The following MIB1 variants were observed in gnomAD, a reference collection of about 807,000 sequenced individuals.
MIB1 encodes the protein E3 ubiquitin-protein ligase MIB1.
Under a neutral mutation model 124.5 loss-of-function variants are expected in MIB1, and 278 were observed. The ratio of observed to expected loss-of-function variants is 2.23; its 90% confidence interval spans 2.02 to 2.47. The LOEUF is 2.47. Ranked by LOEUF, MIB1 falls within the 30% of genes most tolerant of loss-of-function variation. MIB1 has a pLI of 0.00. For synonymous variants in MIB1, 446 were observed against 429.4 expected, an observed-to-expected ratio of 1.04 and a Z score of -0.48; for missense variants, 957 against 1,254.4, an observed-to-expected ratio of 0.76 and a Z score of 3.58.
intron 1 of MIB1, among the ~76,000 whole-genome samples, chr18:21,745,155 A>G (rs1490619112): frequency 6.6e-6 from 1 of 152,244 alleles, no homozygotes; most frequent in East Asian, 1.9e-4. Flanking sequence ...GAGACTGGAT[A>G]AGTTGTATGA....
intron 1 of MIB1, among the ~76,000 whole-genome samples, chr18:21,757,846 A>G (rs2146395944): frequency 6.6e-6 from 1 of 152,250 alleles, no homozygotes; most frequent in South Asian, 2.1e-4. Context: ...AGGATTTAAT[A>G]ACTTATACTC....
rs542897103 is a variant in MIB1, at chr18:21,778,207, G to A, written c.703+38G>A. 91 of 1,348,026 alleles carry A rather than the reference G, an allele frequency of 6.8e-5. 2 individuals are homozygous for A. In the South Asian group the frequency reaches 1.0e-3, roughly 15 times the overall value. The allele number at this position is 1,348,026 out of a possible 1,614,324, so 83.5% of individuals were successfully genotyped here. On this transcript the variant is annotated intron_variant, in intron 5 of 20. Transcript: ENST00000261537. Reference sequence around the variant, plus strand: ...ATTAGAGAGTATTACTAAATAATGGGTCAGAGTTCGTGGAATCAGTAAAAT... The same window carrying A: ...ATTAGAGAGTATTACTAAATAATGGATCAGAGTTCGTGGAATCAGTAAAAT...
Position 21,741,697 on chromosome 18 carries a change from C to T in MIB1, c.114C>T (p.Thr38=), listed in dbSNP as rs1467641676. 1.9e-6 allele frequency: 3 copies of T among 1,611,424 alleles called. No individual in the cohort carries two copies. Among genetic ancestry groups the T allele is most frequent in the Non-Finnish European group, 2.5e-6 (3 of 1,179,356 alleles). ...ACGGCGGCGAGGGCCATGTGGGCACCGTCCGGAGCTTCGAGAGCCCCGAGG... is the reference window on the plus strand; with the variant it reads ...ACGGCGGCGAGGGCCATGTGGGCACTGTCCGGAGCTTCGAGAGCCCCGAGG... The part of the protein sequence containing the change: ...KQDGGEGHVG[T]VRSFESPEEV... Residue 38 remains threonine, a synonymous_variant, in exon 1 of 21, where the codon ACC becomes ACT. Coordinates refer to ENST00000261537, the MANE Select transcript of MIB1 (RefSeq NM_020774.4). The surrounding 1 kb of genome is among the most constrained non-coding windows in gnomAD (Gnocchi z 5.4).
At chr18:21,837,009 A>G (rs531168762) in intron 12 of MIB1, among the ~76,000 whole-genome samples, 7 of 152,246 alleles carry the variant, frequency 4.6e-5, no homozygotes, top group Non-Finnish European at 1.0e-4. Flanking sequence ...TATGAAGCCC[A>G]TGAATGGGAT....
At chr18:21,807,992 T>C (rs533007659) in intron 10 of MIB1, among the ~76,000 whole-genome samples, 24 of 152,336 alleles carry the variant, frequency 1.6e-4, no homozygotes, top group Non-Finnish European at 2.9e-4. Context: ...GAAGCAGATT[T>C]AGGTAGATAC....
chr18:21,742,344 T>G (rs959994475), intron 1 of MIB1, among the ~76,000 whole-genome samples: 1 of 151,912 alleles, frequency 6.6e-6, no homozygotes, highest in South Asian at 2.1e-4. Flanking sequence ...AAATGTTACT[T>G]GGGACTCTGG....
At chr18:21,742,674 T>G (rs754257313) in intron 1 of MIB1, among the ~76,000 whole-genome samples, 8 of 152,234 alleles carry the variant, frequency 5.3e-5, no homozygotes, top group Non-Finnish European at 1.2e-4. Context: ...AATAACAAAT[T>G]CATTTTCATA....
chr18:21,779,400 A>G, intron 5 of MIB1, 81 bp from the exon 6 acceptor site: 8 of 1,096,450 alleles, frequency 7.3e-6, no homozygotes, highest in Non-Finnish European at 4.2e-6. Flanking sequence ...TAAAATATCT[A>G]CATGTTATTT....
intron 12 of MIB1, among the ~76,000 whole-genome samples, chr18:21,836,675 CATT>C (rs1240565810): frequency 6.6e-6 from 1 of 152,176 alleles, no homozygotes; most frequent in African/African-American, 2.4e-5. Context: ...CAAGTATTTA[CATT>C]ATTATTTTTA....
At chr18:21,788,773 G>C (rs1169585178) in intron 6 of MIB1, among the ~76,000 whole-genome samples, 1 of 152,140 alleles carries the variant, frequency 6.6e-6, no homozygotes, top group African/African-American at 2.4e-5. Context: ...CAAGATTGCA[G>C]GAACCAAGAT....
intron 10 of MIB1, among the ~76,000 whole-genome samples, chr18:21,811,550 A>G (rs1312991734): frequency 6.6e-6 from 1 of 152,170 alleles, no homozygotes; most frequent in Non-Finnish European, 1.5e-5. Flanking sequence ...AAGAAAGGAA[A>G]TTCTGACACA....
intron 1 of MIB1, among the ~76,000 whole-genome samples, chr18:21,706,595 C>T (rs1179431366): frequency 2.6e-5 from 4 of 152,058 alleles, no homozygotes; most frequent in African/African-American, 7.2e-5. Context: ...GTGGGCTCGG[C>T]GGGCCCTGCA....
At chr18:21,797,541 A>C (rs1328683749) in intron 7 of MIB1, among the ~76,000 whole-genome samples, 7 of 152,122 alleles carry the variant, frequency 4.6e-5, no homozygotes. Flanking sequence ...AAGAAGAGTG[A>C]AAACCTATGG....
intron 1 of MIB1, among the ~76,000 whole-genome samples, chr18:21,742,665 A>G (rs2040867973): frequency 6.6e-6 from 1 of 152,230 alleles, no homozygotes; most frequent in South Asian, 2.1e-4. Context: ...CACAAAATAA[A>G]TAACAAATTC....
chr18:21,764,898 G>T (rs575118016), intron 1 of MIB1, among the ~76,000 whole-genome samples: 2 of 152,222 alleles, frequency 1.3e-5, no homozygotes, highest in African/African-American at 2.4e-5. Context: ...TGCTTGGTCA[G>T]CATTGAGCTT....
At chr18:21,731,427 G>T (rs2040769079) in intron 1 of MIB1, among the ~76,000 whole-genome samples, 1 of 152,110 alleles carries the variant, frequency 6.6e-6, no homozygotes, top group South Asian at 2.1e-4. Context: ...ATTTTTGCCA[G>T]TTTTCAACTA....
At chr18:21,716,046 C>T (rs192296720) in intron 1 of MIB1, among the ~76,000 whole-genome samples, 18 of 152,252 alleles carry the variant, frequency 1.2e-4, no homozygotes, top group Admixed American at 1.2e-3. Flanking sequence ...AAGATCATTG[C>T]CTAGGCACAT....
intron 1 of MIB1, among the ~76,000 whole-genome samples, chr18:21,713,635 AAAG>A (rs1268588428): frequency 6.6e-5 from 10 of 150,454 alleles, no homozygotes; most frequent in Non-Finnish European, 4.4e-5. Context: ...AAAAAAAAAA[AAAG>A]CTTAATTAAG....
chr18:21,724,727 AATATATATATATATATATATATATAT>A (rs60650753), intron 1 of MIB1, among the ~76,000 whole-genome samples: 7 of 17,370 alleles, frequency 4.0e-4, no homozygotes, highest in Non-Finnish European at 7.7e-4. Context: ...AAAAAAAAAA[AATATATATATATATATATATATATAT>A]ATATATATAT....
Sources: gnomAD v4.1 joint callset for allele counts (sites outside exome capture counted in the v4.1 genomes callset) on GRCh38, gnomAD v4.1.1 for gene constraint, Gnocchi (gnomAD v3.1) non-coding constraint, MANE v1.5 for transcripts, NCBI Gene and HGNC (gene_info 2026-07-23, HGNC 2026-07-21) for gene names.